MYZAP: variants seen among roughly 807,000 people sequenced by gnomAD.
MYZAP encodes the protein myocardial zonula adherens protein.
In MYZAP, 66 loss-of-function variants were observed where a neutral mutation model predicts 69.4. That is an observed-to-expected ratio of 0.95 (90% CI 0.78 to 1.17). The LOEUF (loss-of-function observed/expected upper bound fraction) is 1.17. MYZAP is among the 50% of genes most tolerant of loss of function. The pLI, the probability that MYZAP is intolerant of heterozygous loss-of-function variation, is 0.00. For missense variants in MYZAP, 611 were observed against 556.2 expected, an observed-to-expected ratio of 1.10 and a Z score of -0.99; for synonymous variants, 256 against 205.9, an observed-to-expected ratio of 1.24 and a Z score of -2.09.
At position 57,633,873 on chromosome 15, in the gene MYZAP, CTA is replaced by C. The variant is rs2036658154; in HGVS notation, c.933+135_933+136del. The C allele has an allele frequency of 1.3e-5, 14 of 1,103,494 alleles. No individual in the cohort carries two copies. The South Asian group carries it at 4.4e-4, about 35-fold the overall frequency. 68.4% of individuals were successfully genotyped at this position (1,103,494 alleles called of 1,614,324 possible). On this transcript the variant is annotated intron_variant, in intron 8 of 12. Coordinates refer to ENST00000267853, the MANE Select transcript of MYZAP (RefSeq NM_001018100.5). Reference sequence around the variant, plus strand: ...TGCAATTAAAAAAAAAAAGACAAAGCTATAAAATAAAGTATAAGGAAGTCCAA... The same window carrying C: ...TGCAATTAAAAAAAAAAAGACAAAGCTAAAATAAAGTATAAGGAAGTCCAA...
At chr15:57,603,696 T>A (rs2034560135) in intron 1 of MYZAP, among the ~76,000 whole-genome samples, 1 of 152,236 alleles carries the variant, frequency 6.6e-6, no homozygotes, top group Non-Finnish European at 1.5e-5. Flanking sequence ...AATATTCCAT[T>A]GTATGTATAA....
intron 10 of MYZAP, among the ~76,000 whole-genome samples, chr15:57,653,014 G>A (rs1231393943): frequency 2.6e-5 from 4 of 152,054 alleles, no homozygotes; most frequent in Non-Finnish European, 5.9e-5. Flanking sequence ...CATTTTCAAT[G>A]TGAAATGAAT....
chr15:57,625,683 A>G, intron 4 of MYZAP, 96 bp from the exon 5 acceptor site: 2 of 1,041,766 alleles, frequency 1.9e-6, no homozygotes, highest in South Asian at 1.3e-5. Context: ...GTTGAAGTAG[A>G]TGTGGCTTCT....
intron 8 of MYZAP, among the ~76,000 whole-genome samples, chr15:57,634,933 C>T (rs1044529914): frequency 6.6e-6 from 1 of 152,166 alleles, no homozygotes; most frequent in African/African-American, 2.4e-5. Flanking sequence ...AGTGAGCTTC[C>T]TCCCACATTA....
At chr15:57,675,435 G>T (rs2039070519) in intron 12 of MYZAP, among the ~76,000 whole-genome samples, 1 of 152,190 alleles carries the variant, frequency 6.6e-6, no homozygotes, top group Non-Finnish European at 1.5e-5. Context: ...CCAGAGTACA[G>T]TCTGGAGGGA....
intron 12 of MYZAP, 131 bp from the exon 13 acceptor site, chr15:57,684,271 A>G: frequency 3.1e-6 from 2 of 649,296 alleles, no homozygotes; most frequent in Non-Finnish European, 5.4e-6. Flanking sequence ...TAAGTGAAAT[A>G]TTAAGCTGCA....
intron 2 of MYZAP, among the ~76,000 whole-genome samples, chr15:57,612,139 A>T (rs9920920): frequency 6.6e-6 from 1 of 152,080 alleles, no homozygotes; most frequent in Admixed American, 6.5e-5. Flanking sequence ...CAGGGAACCC[A>T]GTGGCTCTGT....
At chr15:57,612,599 T>C (rs528362598) in intron 2 of MYZAP, among the ~76,000 whole-genome samples, 1 of 152,348 alleles carries the variant, frequency 6.6e-6, no homozygotes, top group South Asian at 2.1e-4. Context: ...CTTGTTGCAT[T>C]GTAGGATCCT....
chr15:57,612,667 T>C (rs1197397973), intron 2 of MYZAP, among the ~76,000 whole-genome samples: 1 of 152,202 alleles, frequency 6.6e-6, no homozygotes, highest in Non-Finnish European at 1.5e-5. Context: ...GACTCTTCAA[T>C]GGCCAGTAAA....
At chr15:57,603,776 A>G (rs550905997) in intron 1 of MYZAP, among the ~76,000 whole-genome samples, 13 of 152,124 alleles carry the variant, frequency 8.5e-5, no homozygotes, top group African/African-American at 1.2e-4. Context: ...GCTATTGTGG[A>G]TAATGCTGCT....
At chr15:57,669,065 A>G (rs2038746204) in intron 11 of MYZAP, among the ~76,000 whole-genome samples, 1 of 151,506 alleles carries the variant, frequency 6.6e-6, no homozygotes, top group African/African-American at 2.4e-5. Context: ...TAATTTTTGT[A>G]TTTTTAGTAG....
chr15:57,672,008 G>C (rs2038890833), intron 11 of MYZAP, among the ~76,000 whole-genome samples: 1 of 152,202 alleles, frequency 6.6e-6, no homozygotes, highest in Non-Finnish European at 1.5e-5. Flanking sequence ...AATTTAGCCA[G>C]ACCCAACTAC....
chr15:57,640,838 C>T (rs2037109877), intron 10 of MYZAP, among the ~76,000 whole-genome samples: 2 of 152,176 alleles, frequency 1.3e-5, no homozygotes, highest in African/African-American at 4.8e-5. Flanking sequence ...GGAGGCCACG[C>T]ACGCATCTTT....
chr15:57,673,406 A>G (rs1235710637), intron 11 of MYZAP, among the ~76,000 whole-genome samples: 1 of 149,342 alleles, frequency 6.7e-6, no homozygotes. Context: ...TTGCTGGGGA[A>G]GCTCACTGTC....
At chr15:57,682,848 C>T (rs184978114) in intron 12 of MYZAP, among the ~76,000 whole-genome samples, 13 of 152,212 alleles carry the variant, frequency 8.5e-5, no homozygotes, top group Admixed American at 7.2e-4. Context: ...GTTCCCATCC[C>T]CGCTTTGCCC....
chr15:57,607,192 G>A (rs1365372627), intron 2 of MYZAP, among the ~76,000 whole-genome samples: 1 of 152,186 alleles, frequency 6.6e-6, no homozygotes, highest in East Asian at 1.9e-4. Context: ...TGGTACAGAC[G>A]GTAGAGGAAT....
intron 2 of MYZAP, among the ~76,000 whole-genome samples, chr15:57,605,499 G>A (rs750833530): frequency 2.6e-5 from 4 of 152,128 alleles, no homozygotes; most frequent in Non-Finnish European, 5.9e-5. Flanking sequence ...GCTTCTCATC[G>A]ATGGCTAAGT....
At chr15:57,595,782 G>A (rs1276893674) in intron 1 of MYZAP, among the ~76,000 whole-genome samples, 1 of 152,104 alleles carries the variant, frequency 6.6e-6, no homozygotes, top group East Asian at 1.9e-4. Context: ...ACCCAACAAG[G>A]TCACAGGATA....
intron 12 of MYZAP, among the ~76,000 whole-genome samples, chr15:57,678,759 T>C (rs1341309192): frequency 6.6e-6 from 1 of 152,148 alleles, no homozygotes; most frequent in African/African-American, 2.4e-5. Flanking sequence ...ACTTGTCTTA[T>C]TGTAGAATAG....
Sources: gnomAD v4.1 joint callset for allele counts (sites outside exome capture counted in the v4.1 genomes callset) on GRCh38, gnomAD v4.1.1 for gene constraint, MANE v1.5 for transcripts, NCBI Gene and HGNC (gene_info 2026-07-23, HGNC 2026-07-21) for gene names.